The following TAOK3 variants were observed in gnomAD, a reference collection of about 807,000 sequenced individuals.
TAOK3 encodes the protein serine/threonine-protein kinase TAO3.
A neutral mutation model predicts 120.4 loss-of-function variants in TAOK3; 40 were observed. That is an observed-to-expected ratio of 0.33 (90% CI 0.26 to 0.43). The LOEUF (loss-of-function observed/expected upper bound fraction) is 0.43, where lower values mean the gene tolerates loss of function less well. Among genes scored for constraint, TAOK3 ranks in the 20% least tolerant of loss-of-function variants. The pLI is 1.00. For missense variants in TAOK3, 821 were observed against 1,112.1 expected (o/e 0.74, Z 3.72); for synonymous variants, 355 against 387.5 (o/e 0.92, Z 0.99).
At chr12:118,259,457 C>T (rs1327746355) in intron 2 of TAOK3, among the ~76,000 whole-genome samples, 1 of 152,030 alleles carries the variant, frequency 6.6e-6, no homozygotes, top group Non-Finnish European at 1.5e-5. Context: ...GGAAAGACCA[C>T]CAGAGCCCGG....
rs989176004 is a variant in TAOK3, at chr12:118,371,743, C to G, written c.-194+905G>C. Among the ~76,000 whole-genome samples the G allele has an allele frequency of 6.6e-6, 1 of 152,096 alleles. No individual in the cohort carries two copies. Among genetic ancestry groups the G allele is most frequent in the Non-Finnish European group, 1.5e-5 (1 of 67,986 alleles). ...CCCCCGCCCGCTCCCTCGCTGCTCACGCCGGGCCCCCGCTATGTGACTGGG... is the reference window on the plus strand; with the variant it reads ...CCCCCGCCCGCTCCCTCGCTGCTCAGGCCGGGCCCCCGCTATGTGACTGGG... On this transcript the variant is annotated intron_variant, in intron 1 of 20. Coordinates refer to ENST00000392533, the MANE Select transcript of TAOK3 (RefSeq NM_016281.4). This position sits in a 1 kb window ranked among gnomAD's most constrained non-coding sequence, Gnocchi z 5.5.
chr12:118,168,353 T>C (rs968979523), intron 17 of TAOK3, among the ~76,000 whole-genome samples: 12 of 152,358 alleles, frequency 7.9e-5, no homozygotes, highest in African/African-American at 2.9e-4. Context: ...CTCAACCCCA[T>C]GCACACATGC....
intron 1 of TAOK3, among the ~76,000 whole-genome samples, chr12:118,343,668 A>T (rs2044726206): frequency 6.6e-6 from 1 of 152,158 alleles, no homozygotes; most frequent in South Asian, 2.1e-4. Flanking sequence ...AGCAATTTAA[A>T]TATGAGAATT....
chr12:118,213,979 G>T, intron 10 of TAOK3, 38 bp downstream of exon 10: 2 of 1,528,198 alleles, frequency 1.3e-6, no homozygotes, highest in South Asian at 1.1e-5. Context: ...TACATACGGT[G>T]ATTTTCTTAG....
intron 1 of TAOK3, among the ~76,000 whole-genome samples, chr12:118,300,115 G>T (rs953238718): frequency 5.9e-5 from 9 of 152,188 alleles, no homozygotes; most frequent in Admixed American, 3.3e-4. Flanking sequence ...ATCATCAAAG[G>T]AAATCAAGGC....
Position 118,177,329 on chromosome 12 carries a change from C to A in TAOK3, c.1567G>T (p.Ala523Ser). Residue 523 changes from alanine (A) to serine (S), a missense_variant and splice_region_variant, in exon 16 of 21, where the codon GCA (alanine) becomes TCA (serine). Coordinates refer to ENST00000392533, the MANE Select transcript of TAOK3 (RefSeq NM_016281.4). The stretch of plus-strand genomic sequence containing the variant: ...TTCTCATCTGCTGCAGCTACCTTTG[C>A]CTGATAAAATAACAAATACAATGTA... ...KKQVAIIEKE[A>S]KVAAADEKKF... 1 of 1,613,124 alleles carries A rather than the reference C, an allele frequency of 6.2e-7. No homozygotes were observed. Among genetic ancestry groups the A allele is most frequent in the Non-Finnish European group, 8.5e-7 (1 of 1,179,872 alleles).
intron 1 of TAOK3, among the ~76,000 whole-genome samples, chr12:118,284,364 C>T (rs1235330500): frequency 1.3e-5 from 2 of 152,110 alleles, no homozygotes; most frequent in Non-Finnish European, 2.9e-5. Context: ...AGTTACCATA[C>T]CATGGTTCCA....
At chr12:118,248,203 G>GAAA (rs34130998) in intron 3 of TAOK3, among the ~76,000 whole-genome samples, 1 of 115,484 alleles carries the variant, frequency 8.7e-6, no homozygotes, top group African/African-American at 3.1e-5. Context: ...ATGTCAAAAT[G>GAAA]AAAAAAAAAA....
intron 9 of TAOK3, among the ~76,000 whole-genome samples, chr12:118,232,534 T>C (rs887402012): frequency 2.6e-5 from 4 of 152,224 alleles, no homozygotes; most frequent in Non-Finnish European, 5.9e-5. Context: ...GGAGAATGGA[T>C]ATTTTTCATA....
At chr12:118,257,633 A>G (rs1466750721) in intron 2 of TAOK3, among the ~76,000 whole-genome samples, 1 of 151,888 alleles carries the variant, frequency 6.6e-6, no homozygotes, top group Non-Finnish European at 1.5e-5. Flanking sequence ...TATTTTTCAA[A>G]ACATGGGCCA....
At chr12:118,269,632 A>G (rs2041618186) in intron 1 of TAOK3, among the ~76,000 whole-genome samples, 1 of 151,952 alleles carries the variant, frequency 6.6e-6, no homozygotes, top group Non-Finnish European at 1.5e-5. Context: ...GGCCTCCCAA[A>G]GTGCTGAGAT....
rs570137775 is a variant in TAOK3, at chr12:118,211,519, AT to A, written c.819+1394del. Among the ~76,000 whole-genome samples, 202 of 144,464 alleles carry A rather than the reference AT, an allele frequency of 1.4e-3. 1 individual carries two copies. Among genetic ancestry groups the A allele is most frequent in the African/African-American group, 5.0e-3 (194 of 39,090 alleles). The allele number at this position is 144,464 out of a possible 152,430, so 94.8% of individuals were successfully genotyped here. ...TAAACTGTTATGTTTTTTCTCTTCC[AT>A]TTTTTTCTTTACCTCTACCCATTTG... On this transcript the variant is annotated intron_variant, in intron 11 of 20. Coordinates refer to ENST00000392533, the MANE Select transcript of TAOK3 (RefSeq NM_016281.4).
intron 11 of TAOK3, among the ~76,000 whole-genome samples, chr12:118,210,801 C>A (rs2038587836): frequency 6.8e-6 from 1 of 146,788 alleles, no homozygotes; most frequent in Admixed American, 6.9e-5. Flanking sequence ...AGCAGTGGTG[C>A]TATCTTGGCT....
intron 3 of TAOK3, among the ~76,000 whole-genome samples, chr12:118,250,259 C>T (rs2040691893): frequency 6.6e-6 from 1 of 152,138 alleles, no homozygotes; most frequent in Non-Finnish European, 1.5e-5. Flanking sequence ...CCACGCCCAA[C>T]CAATGATGCA....
intron 1 of TAOK3, among the ~76,000 whole-genome samples, chr12:118,301,215 A>C (rs1332792676): frequency 1.3e-5 from 2 of 152,208 alleles, no homozygotes; most frequent in Admixed American, 6.5e-5. Context: ...AATAAATGTT[A>C]GATAGTGTAA....
At chr12:118,172,416 T>G in intron 17 of TAOK3, 41 bp downstream of exon 17, 1 of 1,595,222 alleles carries the variant, frequency 6.3e-7, no homozygotes, top group East Asian at 2.2e-5. Flanking sequence ...TAGCATATTG[T>G]CTCCTATGTC....
At chr12:118,226,934 A>G (rs2039537726) in intron 9 of TAOK3, among the ~76,000 whole-genome samples, 1 of 152,202 alleles carries the variant, frequency 6.6e-6, no homozygotes, top group Admixed American at 6.5e-5. Context: ...TTAGTCATTT[A>G]CATGTACACG....
chr12:118,332,838 T>C (rs187255263), intron 1 of TAOK3, among the ~76,000 whole-genome samples: 232 of 152,322 alleles, frequency 1.5e-3, no homozygotes, highest in African/African-American at 5.3e-3. Context: ...CGAGTAGCTA[T>C]ATTAATATCA....
At chr12:118,349,016 T>C (rs1418589607) in intron 1 of TAOK3, among the ~76,000 whole-genome samples, 2 of 151,752 alleles carry the variant, frequency 1.3e-5, no homozygotes, top group Admixed American at 1.3e-4. Context: ...CTCAGGCTCT[T>C]GAGTAGCTGG....
Sources: gnomAD v4.1 joint callset for allele counts (sites outside exome capture counted in the v4.1 genomes callset) on GRCh38, gnomAD v4.1.1 for gene constraint, Gnocchi (gnomAD v3.1) non-coding constraint, MANE v1.5 for transcripts, NCBI Gene and HGNC (gene_info 2026-07-23, HGNC 2026-07-21) for gene names.